The following NR1I2 variants were observed in gnomAD, a reference collection of about 807,000 sequenced individuals.
NR1I2 encodes orphan nuclear receptor PAR1.
In NR1I2, 42 loss-of-function variants were observed where a neutral mutation model predicts 43.3. The ratio of observed to expected loss-of-function variants is 0.97; its 90% CI spans 0.76 to 1.26. The LOEUF (loss-of-function observed/expected upper bound fraction) is 1.26, where lower values mean the gene tolerates loss of function less well. Ranked by LOEUF, NR1I2 falls within the 50% of genes most tolerant of loss-of-function variation. The pLI, the probability that NR1I2 is intolerant of heterozygous loss-of-function variation, is 0.00. For missense variants in NR1I2, 559 were observed against 566.7 expected (o/e 0.99, Z 0.14); for synonymous variants, 229 against 215.0 (o/e 1.06, Z -0.57).
intron 1 of NR1I2, among the ~76,000 whole-genome samples, chr3:119,806,344 G>A (rs2055160309): frequency 6.6e-6 from 1 of 152,136 alleles, no homozygotes; most frequent in Admixed American, 6.5e-5. Context: ...GAGTGCTCTG[G>A]CATGATTCTA....
chr3:119,817,138 C>T lies in NR1I2; in HGVS notation c.1231C>T (p.Leu411=). ...CATCAATGCTCAGCACACCCAGCGG[C>T]TGCTGCGCATCCAGGACATACACCC... is the stretch of plus-strand genomic sequence containing the variant. Residue 411 remains leucine, a synonymous_variant, in exon 9 of 9, where the codon CTG becomes TTG. Coordinates refer to ENST00000393716, the MANE Select transcript of NR1I2 (RefSeq NM_003889.4). 6.2e-7 allele frequency: 1 copy of T among 1,614,214 alleles called. No individual in the cohort carries two copies. Among genetic ancestry groups the T allele is most frequent in the Non-Finnish European group, 8.5e-7 (1 of 1,180,024 alleles).
At chr3:119,806,670 T>C (rs1321572114) in intron 1 of NR1I2, among the ~76,000 whole-genome samples, 1 of 152,226 alleles carries the variant, frequency 6.6e-6, no homozygotes, top group African/African-American at 2.4e-5. Flanking sequence ...TCTTCCCATG[T>C]TGTGATCTTG....
Position 119,810,058 on chromosome 3 carries a change from C to T in NR1I2, c.198-3C>T. 1 of 1,613,828 alleles carries T rather than the reference C, an allele frequency of 6.2e-7. No individual in the cohort carries two copies. Among genetic ancestry groups the T allele is most frequent in the Non-Finnish European group, 8.5e-7 (1 of 1,179,908 alleles). ...CCCCCTTCTGCTCCCCATTCTCTCA[C>T]AGGAGGGCCATGAAACGCAACGCCC... On this transcript the variant is annotated splice_region_variant and splice_polypyrimidine_tract_variant and intron_variant, in intron 2 of 8. Transcript: ENST00000393716.
intron 1 of NR1I2, among the ~76,000 whole-genome samples, chr3:119,783,900 T>C (rs2054811092): frequency 1.3e-5 from 2 of 152,242 alleles, no homozygotes; most frequent in Admixed American, 6.5e-5. Context: ...CATATCTGTA[T>C]AGAGCTCTAC....
intron 1 of NR1I2, among the ~76,000 whole-genome samples, chr3:119,793,035 A>T (rs2054943640): frequency 6.6e-6 from 1 of 152,016 alleles, no homozygotes; most frequent in Non-Finnish European, 1.5e-5. Context: ...CTGGTTGTTT[A>T]AAGAGCCCGG....
rs1553717392 is a variant in NR1I2 at position 119,797,203 on chromosome 3, T to TGTGTGTGTGC, written c.-22-10017_-22-10016insCGTGTGTGTG. Among the ~76,000 whole-genome samples the TGTGTGTGTGC allele has an allele frequency of 4.4e-3, 663 of 151,818 alleles. 5 individuals carry two copies. The highest frequency in any genetic ancestry group is 0.015 in the African/African-American group (617 of 41,314). On this transcript the variant is annotated intron_variant, in intron 1 of 8. Transcript: ENST00000393716. Reference sequence around the variant, plus strand: ...ACAAAGATATGTGTGTGTGTGTGTGTGTGTGTGTGTGTGTCCCCTTCTCAT... The same window carrying TGTGTGTGTGC: ...ACAAAGATATGTGTGTGTGTGTGTGTGTGTGTGTGCGTGTGTGTGTGTGTCCCCTTCTCAT...
In NR1I2 at chr3:119,805,107, T is replaced by C. The variant is rs572196593; in HGVS notation, c.-22-2122T>C. ...GATTTTTACAGTAAATTTTTATTCA[T>C]TTTCAAATCTGCTTGGTCAATTTTA... On this transcript the variant is annotated intron_variant, in intron 1 of 8. Coordinates refer to ENST00000393716, the MANE Select transcript of NR1I2 (RefSeq NM_003889.4). Among the ~76,000 whole-genome samples the C allele has an allele frequency of 3.9e-5, 6 of 152,348 alleles. No homozygotes were observed. The South Asian group carries it at 1.2e-3, about 32-fold the overall frequency.
Position 119,807,462 on chromosome 3 carries a change from C to A in NR1I2, c.197+15C>A, listed in dbSNP as rs765052117. The A allele has an allele frequency of 3.1e-6, 5 of 1,608,182 alleles. No homozygotes were observed. The highest frequency in any genetic ancestry group is 1.7e-5 in the Admixed American group (1 of 60,006). ...GGCTTTTTCAGGTAGAGTTACCCAT[C>A]AGCCTTCACCCACGTGCCACCACTG... On this transcript the variant is annotated intron_variant, in intron 2 of 8. Transcript: ENST00000393716.
chr3:119,790,611 T>A (rs576469046), intron 1 of NR1I2, among the ~76,000 whole-genome samples: 1 of 152,342 alleles, frequency 6.6e-6, no homozygotes, highest in Non-Finnish European at 1.5e-5. Context: ...GAATATAAAG[T>A]GATGTTTCAT....
chr3:119,796,421 G>A (rs576408303), intron 1 of NR1I2, among the ~76,000 whole-genome samples: 1 of 152,098 alleles, frequency 6.6e-6, no homozygotes, highest in African/African-American at 2.4e-5. Context: ...CACCCAGCAG[G>A]TTCTATCTAG....
intron 1 of NR1I2, among the ~76,000 whole-genome samples, chr3:119,793,857 G>A (rs983197750): frequency 2.0e-5 from 3 of 152,094 alleles, no homozygotes; most frequent in Non-Finnish European, 4.4e-5. Flanking sequence ...GGCATGCCAG[G>A]CAATTAATTA....
At chr3:119,786,954 A>G (rs1342879805) in intron 1 of NR1I2, among the ~76,000 whole-genome samples, 1 of 152,190 alleles carries the variant, frequency 6.6e-6, no homozygotes, top group East Asian at 1.9e-4. Context: ...TGCATCATGT[A>G]TCTATTTACA....
chr3:119,818,163 A>T lies in NR1I2; in HGVS notation c.*951A>T. On this transcript the variant is annotated 3_prime_UTR_variant, in exon 9 of 9. Coordinates refer to ENST00000393716, the MANE Select transcript of NR1I2 (RefSeq NM_003889.4). ...TTTGGTGTAGGTAGGTCTGTTTGCC[A>T]CTTGATGGGGCCTGGGTTTGTTCCT... is the stretch of plus-strand genomic sequence containing the variant. 1 of 985,716 alleles carries T rather than the reference A, an allele frequency of 1.0e-6. No individual in the cohort carries two copies. 61.1% of individuals were successfully genotyped at this position (985,716 alleles called of 1,614,324 possible).
chr3:119,782,786 A>C (rs371923739), intron 1 of NR1I2: 25 of 1,614,056 alleles, frequency 1.5e-5, no homozygotes, highest in Non-Finnish European at 1.8e-5. Flanking sequence ...CACCACTTCA[A>C]GGAGGGGTCC....
chr3:119,817,825 A>G lies in NR1I2; in HGVS notation c.*613A>G. The G allele has an allele frequency of 2.0e-6, 2 of 998,308 alleles. No individual in the cohort carries two copies. Among genetic ancestry groups the G allele is most frequent in the Non-Finnish European group, 2.4e-6 (2 of 836,486 alleles). 61.8% of individuals were successfully genotyped at this position (998,308 alleles called of 1,614,324 possible). The stretch of plus-strand genomic sequence containing the variant: ...AGCTTGGCATGACCTCATTCCGGCC[A>G]CATCATTCTGTGTCTCTGCATCCAT... On this transcript the variant is annotated 3_prime_UTR_variant, in exon 9 of 9. Coordinates refer to ENST00000393716, the MANE Select transcript of NR1I2 (RefSeq NM_003889.4).
intron 1 of NR1I2, among the ~76,000 whole-genome samples, chr3:119,789,372 G>A (rs2054886996): frequency 6.6e-6 from 1 of 152,156 alleles, no homozygotes; most frequent in African/African-American, 2.4e-5. Flanking sequence ...CATGTGGCTG[G>A]GGAGGCCTCA....
chr3:119,787,347 C>T (rs2054856131), intron 1 of NR1I2, among the ~76,000 whole-genome samples: 1 of 151,898 alleles, frequency 6.6e-6, no homozygotes, highest in Non-Finnish European at 1.5e-5. Flanking sequence ...ACCCCAGAGC[C>T]CCAGTTTCCT....
chr3:119,815,746 C>T lies in NR1I2; in HGVS notation c.1075C>T (p.His359Tyr). The change falls in exon 8 of 9, where the codon CAC (histidine) becomes TAC (tyrosine). Residue 359 changes from histidine (H) to tyrosine (Y), a missense_variant. Around this residue, in one of 3 missense-constraint regions of NR1I2, gnomAD observed 323 missense variants for 312.2 expected, o/e 1.03. Coordinates refer to ENST00000393716, the MANE Select transcript of NR1I2 (RefSeq NM_003889.4). ...TCCAGACCGCCCAGGTGTGCTGCAGCACCGCGTGGTGGACCAGCTGCAGGA... is the reference window on the plus strand; with the variant it reads ...TCCAGACCGCCCAGGTGTGCTGCAGTACCGCGTGGTGGACCAGCTGCAGGA... The T allele has an allele frequency of 1.2e-6, 2 of 1,613,600 alleles. No individual in the cohort carries two copies. The highest frequency in any genetic ancestry group is 1.7e-6 in the Non-Finnish European group (2 of 1,179,802).
intron 1 of NR1I2, among the ~76,000 whole-genome samples, chr3:119,802,115 T>C (rs924997013): frequency 1.3e-5 from 2 of 152,126 alleles, no homozygotes; most frequent in African/African-American, 2.4e-5. Flanking sequence ...AGGGTGTGAA[T>C]CTTTCGGGGC....
Sources: gnomAD v4.1 joint callset for allele counts (sites outside exome capture counted in the v4.1 genomes callset) on GRCh38, gnomAD v4.1.1 for gene constraint, gnomAD v4.1.1 regional missense constraint, MANE v1.5 for transcripts, NCBI Gene and HGNC (gene_info 2026-07-23, HGNC 2026-07-21) for gene names.